Variants in SHPRH observed in about 807,000 individuals in gnomAD.
SHPRH encodes the protein SNF2 histone linker PHD RING helicase.
SHPRH carries 106 observed loss-of-function variants against 202.5 expected under a neutral mutation model. The observed-to-expected ratio is 0.52, with a 90% CI of 0.45 to 0.62. The LOEUF is 0.62. Among genes scored for constraint, SHPRH ranks in the 20% least tolerant of loss-of-function variants. SHPRH has a pLI of 0.00. For missense variants in SHPRH, 1,710 were observed against 2,020.0 expected, an observed-to-expected ratio of 0.85 and a Z score of 2.94; for synonymous variants, 729 against 686.0, an observed-to-expected ratio of 1.06 and a Z score of -0.98.
chr6:145,862,119 T>C (rs1333330632), downstream of SHPRH, among the ~76,000 whole-genome samples: 1 of 152,164 alleles, frequency 6.6e-6, no homozygotes, highest in African/African-American at 2.4e-5. Context: ...AATACTGTAT[T>C]GTATATTTTA....
chr6:145,935,373 G>A lies in SHPRH; in HGVS notation c.2638C>T (p.Leu880Phe). 3.7e-6 allele frequency: 6 copies of A among 1,613,986 alleles called. No individual in the cohort carries two copies. The highest frequency in any genetic ancestry group is 4.2e-6 in the Non-Finnish European group (5 of 1,179,984). The change falls in exon 12 of 30, where the codon CTC becomes TTC. Residue 880 changes from leucine (L) to phenylalanine (F), a missense_variant. By Grantham distance (22) the Leu-to-Phe change is conservative (BLOSUM62 0). This residue lies in a region of SHPRH where 277 missense variants were observed against 363.0 expected (regional missense o/e 0.76). Coordinates refer to ENST00000275233, the MANE Select transcript of SHPRH (RefSeq NM_001042683.3). ...TTCTTCTTGCAGTAAGGCCGATAGA[G>A]AAGTCGAACCCACCAGTGTTTGACA... is the stretch of plus-strand genomic sequence containing the variant. ...YCVKHWWVRL[L>F]YRPYCKKNPQ...
At chr6:145,943,069 C>A in intron 9 of SHPRH, 74 bp downstream of exon 9, 1 of 1,470,216 alleles carries the variant, frequency 6.8e-7, no homozygotes, top group South Asian at 1.4e-5. Context: ...CACAAAGAAA[C>A]AAAGATTAGG....
intron 11 of SHPRH, chr6:145,935,816 G>C (rs1391236539): frequency 6.2e-6 from 1 of 161,606 alleles, no homozygotes; most frequent in Admixed American, 6.1e-5. Flanking sequence ...AAGATTTGCT[G>C]GATTGGAAAA....
rs748625063 is a variant in SHPRH at position 145,933,103 on chromosome 6, C to G, written c.3066G>C (p.Gln1022His). The change falls in exon 14 of 30, where the codon CAG (glutamine) becomes CAC (histidine). Residue 1022 changes from glutamine to histidine, a missense_variant. Physicochemically the swap from Gln to His is conservative, Grantham distance 24. Coordinates refer to ENST00000275233, the MANE Select transcript of SHPRH (RefSeq NM_001042683.3). ...CGTECEEAHR[Q>H]LVCALNGLAG... ...CTAAGCCATTGAGAGCACAAACTAG[C>G]TGTCGATGTGCTTCTTCACATTCAG... is the stretch of plus-strand genomic sequence containing the variant. 3 of 1,613,890 alleles carry G rather than the reference C, an allele frequency of 1.9e-6. No individual in the cohort carries two copies. Among genetic ancestry groups the G allele is most frequent in the South Asian group, 2.2e-5 (2 of 91,070 alleles).
intron 2 of SHPRH, among the ~76,000 whole-genome samples, chr6:145,953,921 C>A (rs1788227280): frequency 6.6e-6 from 1 of 151,288 alleles, no homozygotes. Flanking sequence ...CTTTACTAGG[C>A]TGTAAAGATG....
Position 145,945,726 on chromosome 6 carries a change from G to C in SHPRH, c.1322-89C>G, listed in dbSNP as rs1029287439. Reference sequence around the variant, plus strand: ...GTTAATCTTAATCTGCATGAGGACTGAGTTAAGAAAGAAATAAATCAAAGA... The same window carrying C: ...GTTAATCTTAATCTGCATGAGGACTCAGTTAAGAAAGAAATAAATCAAAGA... On this transcript the variant is annotated intron_variant, in intron 7 of 29. Coordinates refer to ENST00000275233, the MANE Select transcript of SHPRH (RefSeq NM_001042683.3). 6.1e-6 allele frequency: 8 copies of C among 1,320,622 alleles called. No individual in the cohort carries two copies. In the African/African-American group the frequency reaches 9.0e-5, roughly 15 times the overall value. 81.8% of individuals were successfully genotyped at this position (1,320,622 alleles called of 1,614,324 possible).
At chr6:145,939,691 C>A (rs1268580106) in intron 11 of SHPRH, among the ~76,000 whole-genome samples, 1 of 152,042 alleles carries the variant, frequency 6.6e-6, no homozygotes, top group Non-Finnish European at 1.5e-5. Context: ...AAATGTGGTC[C>A]TTTACTGAAC....
rs891239519 is a variant in SHPRH at position 145,927,069 on chromosome 6, C to G, written c.3201+120G>C. 2.4e-5 allele frequency: 20 copies of G among 837,162 alleles called. No individual in the cohort carries two copies. The African/African-American group carries it at 3.2e-4, about 14-fold the overall frequency. 51.9% of individuals were successfully genotyped at this position (837,162 alleles called of 1,614,324 possible). On this transcript the variant is annotated intron_variant, in intron 15 of 29. Transcript: ENST00000275233. The stretch of plus-strand genomic sequence containing the variant: ...AAAATGCTTATTGAGAAGACTGAAT[C>G]CCAAGTTTCACCCAGTGATTATGAC...
intron 5 of SHPRH, 45 bp downstream of exon 5, chr6:145,948,227 A>ATATT: frequency 1.4e-6 from 2 of 1,392,350 alleles, no homozygotes; most frequent in Non-Finnish European, 2.0e-6. Flanking sequence ...GTTTTTCATT[A>ATATT]TATTTATTTT....
At chr6:145,932,995 C>A in intron 14 of SHPRH, 62 bp downstream of exon 14, 4 of 1,466,142 alleles carry the variant, frequency 2.7e-6, no homozygotes, top group Admixed American at 2.1e-5. Flanking sequence ...TCTATTTTTT[C>A]TATAATTAAC....
chr6:145,892,670 A>G (rs950670352), intron 28 of SHPRH, among the ~76,000 whole-genome samples: 6 of 152,168 alleles, frequency 3.9e-5, no homozygotes, highest in African/African-American at 1.4e-4. Flanking sequence ...TAAAGGTAAT[A>G]CATGCCATAT....
rs1322168666 is a variant in SHPRH at position 145,918,116 on chromosome 6, T to C, written c.4254+15A>G. 6 of 1,592,078 alleles carry C rather than the reference T, an allele frequency of 3.8e-6. No individual in the cohort carries two copies. The highest frequency in any genetic ancestry group is 4.3e-6 in the Non-Finnish European group (5 of 1,167,986). Reference sequence around the variant, plus strand: ...ATGCAGCATAGGAAAAAGTAGCATGTCTTAGAAACAATACCTTCTCCAAAT... The same window carrying C: ...ATGCAGCATAGGAAAAAGTAGCATGCCTTAGAAACAATACCTTCTCCAAAT... On this transcript the variant is annotated intron_variant, in intron 23 of 29. Coordinates refer to ENST00000275233, the MANE Select transcript of SHPRH (RefSeq NM_001042683.3).
In SHPRH at chr6:145,922,286, G is replaced by A. The variant is rs776968324; in HGVS notation, c.3782C>T (p.Thr1261Ile). 7.6e-6 allele frequency: 12 copies of A among 1,573,944 alleles called. No homozygotes were observed. The highest frequency in any genetic ancestry group is 2.3e-5 in the South Asian group (2 of 85,338). ...TEYESKLFSN[T>I]VKGQTAIFEE... Reference sequence around the variant, plus strand: ...GGTAATAATCAAATAGAGAACTTACGTGTTGGAAAATAGCTTTGATTCATA... The same window carrying A: ...GGTAATAATCAAATAGAGAACTTACATGTTGGAAAATAGCTTTGATTCATA... Residue 1261 changes from threonine (T) to isoleucine (I), a missense_variant and splice_region_variant, in exon 20 of 30, where the codon ACA becomes ATA. Physicochemically the swap from Thr to Ile is moderately conservative, Grantham distance 89. This residue lies in a region of SHPRH where 288 missense variants were observed against 317.8 expected (regional missense o/e 0.91). Transcript: ENST00000275233.
At chr6:145,907,471 TA>T (rs1024870998) in intron 25 of SHPRH, 4 of 152,170 alleles carry the variant, frequency 2.6e-5, no homozygotes, top group Admixed American at 2.0e-4. Context: ...CATCCCTGCT[TA>T]TAATATTTAA....
chr6:145,883,319 G>T (rs186351946), downstream of SHPRH: 1 of 152,286 alleles, frequency 6.6e-6, no homozygotes, highest in African/African-American at 2.4e-5. Flanking sequence ...GATGGTGTGG[G>T]GACCTTTACT....
chr6:145,889,372 TGTATCAGA>T (rs1781390604), intron 28 of SHPRH, among the ~76,000 whole-genome samples: 1 of 152,032 alleles, frequency 6.6e-6, no homozygotes, highest in African/African-American at 2.4e-5. Flanking sequence ...GGAGGTAGGA[TGTATCAGA>T]GTGTTTTTTT....
In SHPRH at chr6:145,955,342, G is replaced by T; in HGVS notation, c.-20C>A. On this transcript the variant is annotated 5_prime_UTR_variant, in exon 2 of 30. Transcript: ENST00000275233. ...GCTCATTTTCAAGTTTTCTTGGCTG[G>T]TAACTGTGAACTCTAGAGGACAAAT... The T allele has an allele frequency of 6.3e-7, 1 of 1,582,556 alleles. No homozygotes were observed.
intron 23 of SHPRH, among the ~76,000 whole-genome samples, chr6:145,914,568 G>A (rs761309023): frequency 2.0e-5 from 3 of 151,998 alleles, no homozygotes; most frequent in Admixed American, 1.3e-4. Context: ...CTTTACTTAC[G>A]AAAAAAGGCA....
At chr6:145,894,276 G>A (rs754921335) in intron 26 of SHPRH, 40 bp from the exon 27 acceptor site, 42 of 1,447,052 alleles carry the variant, frequency 2.9e-5, no homozygotes, top group Admixed American at 6.3e-5. Flanking sequence ...ATATTTACAC[G>A]TAGCCTTTAT....
Sources: gnomAD v4.1 joint callset for allele counts (sites outside exome capture counted in the v4.1 genomes callset) on GRCh38, gnomAD v4.1.1 for gene constraint, gnomAD v4.1.1 regional missense constraint, MANE v1.5 for transcripts, NCBI Gene and HGNC (gene_info 2026-07-23, HGNC 2026-07-21) for gene names.